Variants in PHF8 observed in about 807,000 individuals in gnomAD.
PHF8 encodes the protein histone lysine demethylase PHF8.
Under a neutral mutation model 74.4 loss-of-function variants are expected in PHF8, and 9 were observed. The ratio of observed to expected loss-of-function variants is 0.12; its 90% CI spans 0.07 to 0.21. PHF8 has a LOEUF of 0.21. Among genes scored for constraint, PHF8 ranks in the 10% least tolerant of loss-of-function variants. The pLI is 1.00. For missense variants in PHF8, 478 were observed against 816.6 expected (o/e 0.59, Z 5.05); for synonymous variants, 311 against 316.6 (o/e 0.98, Z 0.19).
chrX:53,965,952 C>T (rs2065178574), intron 18 of PHF8, among the ~76,000 whole-genome samples: 1 of 110,584 alleles, frequency 9.0e-6, no homozygotes, highest in Non-Finnish European at 1.9e-5. Context: ...TAAGGAAGCT[C>T]TGACATTGTA....
intron 5 of PHF8, among the ~76,000 whole-genome samples, chrX:54,017,303 T>C (rs1376259045): frequency 8.9e-6 from 1 of 111,958 alleles, no homozygotes; most frequent in African/African-American, 3.2e-5. Context: ...CAAAACTAGC[T>C]AGGCATGGTG....
chrX:54,040,020 T>A (rs2066526351), intron 2 of PHF8: 2 of 112,556 alleles, frequency 1.8e-5, no homozygotes, highest in Non-Finnish European at 3.7e-5. Flanking sequence ...CTTAGGTGAG[T>A]TATATTTCCT....
At chrX:54,009,844 GAAAAAAAAAAAAAAAAAAAAAAAAAAAAA>G (rs782363250) in intron 8 of PHF8, among the ~76,000 whole-genome samples, 1 of 9,383 alleles carries the variant, frequency 1.1e-4, no homozygotes, top group Non-Finnish European at 4.5e-4. Flanking sequence ...CTCTGTCTCA[GAAAAAAAAAAAAAAAAAAAAAAAAAAAAA>G]AAAAAAAAGT....
chrX:54,012,728 G>C (rs1557107055), intron 7 of PHF8, among the ~76,000 whole-genome samples: 1 of 111,087 alleles, frequency 9.0e-6, no homozygotes, highest in Non-Finnish European at 1.9e-5. Context: ...TGGAGCTCAG[G>C]AGTTTGAGAC....
At chrX:54,021,561 C>A (rs1445553631) in intron 4 of PHF8, among the ~76,000 whole-genome samples, 1 of 100,131 alleles carries the variant, frequency 1.0e-5, no homozygotes, top group African/African-American at 3.8e-5. Flanking sequence ...CTCCGCCTCC[C>A]GGGTTCACGC....
intron 2 of PHF8, among the ~76,000 whole-genome samples, chrX:54,029,858 A>G (rs1409043949): frequency 8.9e-6 from 1 of 111,879 alleles, no homozygotes; most frequent in Non-Finnish European, 1.9e-5. Context: ...AATCAAAGGC[A>G]AAATTATTAA....
At chrX:53,965,160 C>T (rs917100562) in intron 18 of PHF8, among the ~76,000 whole-genome samples, 1 of 111,707 alleles carries the variant, frequency 9.0e-6, no homozygotes, top group Non-Finnish European at 1.9e-5. Flanking sequence ...TGCACGTGCA[C>T]GTGTGCACAC....
chrX:54,006,324 C>T (rs2149858826), intron 8 of PHF8, among the ~76,000 whole-genome samples: 1 of 110,071 alleles, frequency 9.1e-6, no homozygotes, highest in African/African-American at 3.3e-5. Context: ...TCCACTAAAA[C>T]TAAAAAAATC....
intron 11 of PHF8, among the ~76,000 whole-genome samples, chrX:53,996,153 G>A (rs1486027804): frequency 9.3e-6 from 1 of 106,987 alleles, no homozygotes; most frequent in African/African-American, 3.4e-5. Flanking sequence ...TTTCACTATT[G>A]TTGCCCAGGC....
chrX:53,993,237 T>C (rs2065695748), intron 13 of PHF8, among the ~76,000 whole-genome samples: 2 of 111,659 alleles, frequency 1.8e-5, no homozygotes, highest in East Asian at 2.8e-4. Flanking sequence ...CTAAGTGTTA[T>C]GTTTTCTGAA....
chrX:54,045,171 C>A (rs1335828185), upstream of PHF8: 35 of 292,358 alleles, frequency 1.2e-4, no homozygotes, highest in Non-Finnish European at 1.7e-4. Context: ...AAATACAGTT[C>A]AAGGATTTGT....
intron 8 of PHF8, among the ~76,000 whole-genome samples, chrX:54,003,861 T>C (rs1229607677): frequency 1.8e-5 from 2 of 111,716 alleles, no homozygotes; most frequent in Admixed American, 9.6e-5. Flanking sequence ...CCTTTCCCTA[T>C]GTCTGAAATG....
chrX:53,993,535 T>C, intron 13 of PHF8, 66 bp downstream of exon 13: 1 of 1,015,958 alleles, frequency 9.8e-7, no homozygotes, highest in Non-Finnish European at 1.4e-6. Flanking sequence ...TAGCCTGCTT[T>C]TTGAAACCCT....
chrX:53,995,729 G>A lies in PHF8; in HGVS notation c.1287C>T (p.Leu429=). The part of the protein sequence containing the change: ...EIPETVRTVQ[L]IKDLAREIRL... ...GGATCTCCCTGGCCAGATCTTTAATGAGCTGTACGGTTCGCACTGTCTCCG... is the reference window on the plus strand; with the variant it reads ...GGATCTCCCTGGCCAGATCTTTAATAAGCTGTACGGTTCGCACTGTCTCCG... Residue 429 remains leucine, a synonymous_variant, in exon 12 of 22, where the codon CTC becomes CTT. Transcript: ENST00000338154. 8.3e-7 allele frequency: 1 copy of A among 1,202,490 alleles called. No individual in the cohort carries two copies. The highest frequency in any genetic ancestry group is 3.0e-5 in the East Asian group (1 of 33,807).
At chrX:54,047,849 G>A (rs1452446170), upstream of PHF8, among the ~76,000 whole-genome samples, 1 of 111,758 alleles carries the variant, frequency 8.9e-6, no homozygotes, top group Non-Finnish European at 1.9e-5. Flanking sequence ...GACAGGAGCT[G>A]AGACCTGAAT....
At chrX:53,949,279 G>A (rs2064881079) in intron 19 of PHF8, among the ~76,000 whole-genome samples, 1 of 110,547 alleles carries the variant, frequency 9.0e-6, no homozygotes, top group African/African-American at 3.3e-5. Context: ...AGATTGCAGT[G>A]AGCTGAGATC....
At chrX:54,043,712 C>T (rs2066602469) in intron 1 of PHF8, 50 bp downstream of exon 1, 1 of 431,228 alleles carries the variant, frequency 2.3e-6, no homozygotes, top group African/African-American at 2.7e-5. Flanking sequence ...AGGTACCTCA[C>T]AGTATATCCT....
At chrX:54,043,218 T>A in intron 1 of PHF8, 1 of 618,404 alleles carries the variant, frequency 1.6e-6, no homozygotes, top group Non-Finnish European at 1.9e-6. Flanking sequence ...GCGTCAAAAA[T>A]GAGGCTGGGG....
intron 11 of PHF8, among the ~76,000 whole-genome samples, chrX:53,996,414 T>C (rs2065749303): frequency 9.1e-6 from 1 of 109,300 alleles, no homozygotes; most frequent in Admixed American, 9.8e-5. Context: ...GCACCCAGCC[T>C]ATGATATTTT....
Sources: allele counts gnomAD v4.1 joint callset (sites outside exome capture counted in the v4.1 genomes callset), GRCh38; gene constraint gnomAD v4.1.1; transcripts MANE v1.5; gene names NCBI Gene and HGNC (gene_info 2026-07-23, HGNC 2026-07-21).